The following PADI4 variants were observed in gnomAD, a reference collection of about 807,000 sequenced individuals.
PADI4 encodes protein-arginine deiminase type-4.
In PADI4, 62 loss-of-function variants were observed where a neutral mutation model predicts 75.0. The ratio of observed to expected loss-of-function variants is 0.83; its 90% CI spans 0.67 to 1.02. The LOEUF (loss-of-function observed/expected upper bound fraction) is 1.02. PADI4 is among the 50% of genes least tolerant of loss of function. The pLI, the probability that PADI4 is intolerant of heterozygous loss-of-function variation, is 0.00. For synonymous variants in PADI4, 361 were observed against 348.1 expected (o/e 1.04, Z -0.41); for missense variants, 845 against 850.5 (o/e 0.99, Z 0.08).
At chr1:17,316,849 G>T (rs1002621388) in intron 1 of PADI4, among the ~76,000 whole-genome samples, 3 of 152,048 alleles carry the variant, frequency 2.0e-5, no homozygotes, top group Admixed American at 1.3e-4. Flanking sequence ...TTCAGTAGAA[G>T]CTGTGGGACT....
chr1:17,328,074 T>C (rs2074144336), intron 1 of PADI4, among the ~76,000 whole-genome samples: 1 of 152,080 alleles, frequency 6.6e-6, no homozygotes, highest in Admixed American at 6.6e-5. Context: ...AGTGCAGATG[T>C]TGTGGAGTGC....
At position 17,329,323 on chromosome 1, in the gene PADI4, C is replaced by CAA. The variant is rs10716965; in HGVS notation, c.93-1631_93-1630dup. ...CCTGGGCGACAGTGAGACTCTGTCT[C>CAA]AAAAAAAAAAAAAAAATAGTAAATC... On this transcript the variant is annotated intron_variant, in intron 1 of 15. Transcript: ENST00000375448. Among the ~76,000 whole-genome samples, 683 of 109,284 alleles carry CAA rather than the reference C, an allele frequency of 6.2e-3. 9 individuals are homozygous for CAA. The highest frequency in any genetic ancestry group is 0.022 in the African/African-American group (649 of 29,378). 71.7% of individuals were successfully genotyped at this position (109,284 alleles called of 152,430 possible).
intron 10 of PADI4, among the ~76,000 whole-genome samples, chr1:17,353,633 T>TC (rs889774616): frequency 1.3e-5 from 2 of 151,890 alleles, no homozygotes; most frequent in African/African-American, 2.4e-5. Context: ...TACATCCTAG[T>TC]CCCCCCGAAC....
intron 1 of PADI4, among the ~76,000 whole-genome samples, chr1:17,314,047 G>T (rs1569976331): frequency 6.6e-6 from 1 of 152,144 alleles, no homozygotes; most frequent in Non-Finnish European, 1.5e-5. Flanking sequence ...TCCCCATCTA[G>T]CAGAGAGAGT....
intron 1 of PADI4, among the ~76,000 whole-genome samples, chr1:17,330,194 A>T (rs1190896260): frequency 6.6e-6 from 1 of 152,134 alleles, no homozygotes; most frequent in Non-Finnish European, 1.5e-5. Context: ...TCTAGTTCAA[A>T]TGCAAACCCT....
At chr1:17,335,180 G>A (rs2074288716) in intron 3 of PADI4, among the ~76,000 whole-genome samples, 1 of 150,888 alleles carries the variant, frequency 6.6e-6, no homozygotes, top group Admixed American at 6.6e-5. Context: ...TATATAATAT[G>A]TAGCATATAG....
rs780511491 is a variant in PADI4, at chr1:17,358,837, G to GA, written c.1566dup (p.Gln523ThrfsTer17). 477 of 1,590,578 alleles carry GA rather than the reference G, an allele frequency of 3.0e-4. No homozygotes were observed. Among genetic ancestry groups the GA allele is most frequent in the Non-Finnish European group, 3.6e-4 (419 of 1,165,326 alleles). On this transcript the variant is annotated frameshift_variant and splice_region_variant. Transcript: ENST00000375448. LOFTEE classifies it high-confidence loss of function. ...CTTTTTTTTCTTTTTCTCCATGACA[G>GA]AAAAAAAACAGCAGAAAATAAAGAA...
intron 4 of PADI4, 85 bp from the exon 5 acceptor site, chr1:17,337,953 G>A: frequency 1.6e-6 from 1 of 615,162 alleles, no homozygotes; most frequent in Admixed American, 2.6e-5. Flanking sequence ...TAAAAAAGAG[G>A]TGATGGGGAG....
At chr1:17,316,614 T>C (rs1290549921) in intron 1 of PADI4, among the ~76,000 whole-genome samples, 1 of 151,524 alleles carries the variant, frequency 6.6e-6, no homozygotes, top group East Asian at 1.9e-4. Flanking sequence ...GGCATGAACC[T>C]GGGAGGTGGA....
At chr1:17,359,556 G>T in intron 15 of PADI4, 148 bp downstream of exon 15, 2 of 1,017,740 alleles carry the variant, frequency 2.0e-6, no homozygotes, top group South Asian at 1.6e-5. Context: ...AAGGTCAGAC[G>T]TGACCAGGTC....
intron 1 of PADI4, among the ~76,000 whole-genome samples, chr1:17,327,717 T>C (rs1318873477): frequency 6.7e-6 from 1 of 149,886 alleles, no homozygotes; most frequent in Non-Finnish European, 1.5e-5. Flanking sequence ...AATTTTTGTA[T>C]TTTTTTTTAG....
intron 4 of PADI4, among the ~76,000 whole-genome samples, chr1:17,337,192 C>A (rs1452231219): frequency 6.6e-6 from 1 of 152,176 alleles, no homozygotes; most frequent in Non-Finnish European, 1.5e-5. Flanking sequence ...CATGCTCTGT[C>A]TCCCAGGCTG....
intron 1 of PADI4, among the ~76,000 whole-genome samples, chr1:17,316,668 A>C (rs6687815): frequency 0.95 from 142,454 of 150,418 alleles, 67,498 homozygotes; most frequent in South Asian, 0.98. Flanking sequence ...CGAGCCTGGG[A>C]GACAGAGTGA....
In PADI4 at chr1:17,354,588, T is replaced by C. The variant is rs1570091944; in HGVS notation, c.1211T>C (p.Leu404Pro). Residue 404 changes from leucine to proline, a missense_variant, in exon 11 of 16, where the codon CTG (leucine) becomes CCG (proline). Coordinates refer to ENST00000375448, the MANE Select transcript of PADI4 (RefSeq NM_012387.3). ...CCCCAAACAGGGGGTATCAGTGGAC[T>C]GGACTCCTTTGGGAACCTGGAAGTG... is the stretch of plus-strand genomic sequence containing the variant. ...RGPQTGGISG[L>P]DSFGNLEVSP... is the part of the protein sequence containing the mutation. 1 of 1,614,148 alleles carries C rather than the reference T, an allele frequency of 6.2e-7. No individual in the cohort carries two copies. The highest frequency in any genetic ancestry group is 2.2e-5 in the East Asian group (1 of 44,878).
At chr1:17,337,932 T>C in intron 4 of PADI4, 106 bp from the exon 5 acceptor site, 1 of 479,848 alleles carries the variant, frequency 2.1e-6, no homozygotes, top group African/African-American at 2.0e-5. Context: ...AATAAATAAA[T>C]AAATAAATTT....
At chr1:17,332,115 CCA>C (rs1426450275) in intron 2 of PADI4, among the ~76,000 whole-genome samples, 12 of 152,104 alleles carry the variant, frequency 7.9e-5, no homozygotes, top group Non-Finnish European at 1.8e-4. Context: ...CTGTCTCACT[CCA>C]GTCTGCTTCC....
chr1:17,352,001 GGT>G (rs2074647909), intron 10 of PADI4, among the ~76,000 whole-genome samples: 2 of 21,706 alleles, frequency 9.2e-5, no homozygotes, highest in Non-Finnish European at 1.6e-4. Context: ...CAGTCAGGGA[GGT>G]GATGGGAGGA....
intron 1 of PADI4, 130 bp from the exon 2 acceptor site, chr1:17,330,839 C>A: frequency 1.6e-6 from 1 of 609,430 alleles, no homozygotes; most frequent in Non-Finnish European, 2.7e-6. Context: ...AGAAAAAATA[C>A]TTCGCATCTT....
chr1:17,358,019 G>A (rs7530463), intron 13 of PADI4, among the ~76,000 whole-genome samples: 3,038 of 151,906 alleles, frequency 0.02, 94 homozygotes, highest in African/African-American at 0.068. Context: ...AGGCTGAGGC[G>A]GGTGGATCAC....
Sources: gnomAD v4.1 joint callset for allele counts (sites outside exome capture counted in the v4.1 genomes callset) on GRCh38, gnomAD v4.1.1 for gene constraint, MANE v1.5 for transcripts, NCBI Gene and HGNC (gene_info 2026-07-23, HGNC 2026-07-21) for gene names.